Variants in MMEL1 observed in about 807,000 individuals in gnomAD.
MMEL1 encodes the protein membrane metalloendopeptidase like 1.
A neutral mutation model predicts 117.1 loss-of-function variants in MMEL1; 98 were observed. The ratio of observed to expected loss-of-function variants is 0.84; its 90% confidence interval spans 0.71 to 0.99. MMEL1 has a LOEUF of 0.99. Among genes scored for constraint, MMEL1 ranks in the 50% least tolerant of loss-of-function variants. The pLI is 0.00. For synonymous variants in MMEL1, 390 were observed against 415.1 expected, an observed-to-expected ratio of 0.94 and a Z score of 0.74; for missense variants, 1,014 against 1,049.1, an observed-to-expected ratio of 0.97 and a Z score of 0.46.
chr1:2,613,084 T>C (rs1414732336), intron 2 of MMEL1, among the ~76,000 whole-genome samples: 1 of 152,184 alleles, frequency 6.6e-6, no homozygotes, highest in Non-Finnish European at 1.5e-5. Flanking sequence ...AAAAAGCCAT[T>C]AGTGAAACAC....
chr1:2,632,828 G>C, intron 1 of MMEL1, 38 bp downstream of exon 1: 1 of 984,278 alleles, frequency 1.0e-6, no homozygotes, highest in Non-Finnish European at 1.2e-6. Context: ...TCAAGGCCCA[G>C]GAAAGCAGGC....
Position 2,594,446 on chromosome 1 carries a change from G to T in MMEL1, c.1689-3C>A, listed in dbSNP as rs370872633. The T allele has an allele frequency of 1.3e-6, 2 of 1,551,360 alleles. No individual in the cohort carries two copies. The highest frequency in any genetic ancestry group is 2.7e-5 in the African/African-American group (2 of 73,176). On this transcript the variant is annotated splice_region_variant and splice_polypyrimidine_tract_variant and intron_variant, in intron 17 of 23. Coordinates refer to ENST00000378412, the MANE Select transcript of MMEL1 (RefSeq NM_033467.4). ...CCACCGCCGCCCCGATGATCCAGCT[G>T]TGATAGACAAGCCGGTCTCTGGGAG...
At chr1:2,606,874 G>A (rs1645036945) in intron 7 of MMEL1, 100 bp downstream of exon 7, 1 of 1,077,356 alleles carries the variant, frequency 9.3e-7, no homozygotes, top group East Asian at 2.4e-5. Context: ...CCAGCTGGGG[G>A]TGGGGGTGGG....
intron 2 of MMEL1, among the ~76,000 whole-genome samples, chr1:2,629,094 G>C (rs1003281569): frequency 2.0e-5 from 3 of 152,228 alleles, no homozygotes; most frequent in African/African-American, 7.2e-5. Context: ...CGCGGGAGTC[G>C]GGGCCGGGGC....
chr1:2,598,098 A>G (rs1644874481), intron 13 of MMEL1, 109 bp downstream of exon 13: 3 of 1,065,606 alleles, frequency 2.8e-6, no homozygotes, highest in South Asian at 2.8e-5. Context: ...TGCCTCGTCC[A>G]TGGCTGTGAC....
chr1:2,604,135 C>CCCCCCCCCAAACCAT lies in MMEL1; in HGVS notation c.951+11_951+12insATGGTTTGGGGGGGG. 5 of 1,520,156 alleles carry CCCCCCCCCAAACCAT rather than the reference C, an allele frequency of 3.3e-6. No homozygotes were observed. The highest frequency in any genetic ancestry group is 4.5e-6 in the Non-Finnish European group (5 of 1,100,348). The allele number at this position is 1,520,156 out of a possible 1,614,324, so 94.2% of individuals were successfully genotyped here. A position where few individuals can be genotyped will look rare whatever the true frequency, so the allele number is the denominator to read the frequency against. Reference sequence around the variant, plus strand: ...CTCGCTGCCCGCTCCCCACCCGCCCCGGCCCCCTTACCTTGGCCAGCTGTG... The same window carrying CCCCCCCCCAAACCAT: ...CTCGCTGCCCGCTCCCCACCCGCCCCCCCCCCCCAAACCATGGCCCCCTTACCTTGGCCAGCTGTG... On this transcript the variant is annotated intron_variant, in intron 10 of 23. Coordinates refer to ENST00000378412, the MANE Select transcript of MMEL1 (RefSeq NM_033467.4).
chr1:2,611,697 C>T (rs1476817003), intron 3 of MMEL1, among the ~76,000 whole-genome samples: 2 of 152,184 alleles, frequency 1.3e-5, no homozygotes, highest in African/African-American at 2.4e-5. Context: ...AGCCCCTTTA[C>T]ACCCTCTGCC....
rs138375564 is a variant in MMEL1 at position 2,596,054 on chromosome 1, C to T, written c.1455G>A (p.Glu485=). ...VRTVFVETLD[E]LGWMDEESKK... Reference sequence around the variant, plus strand: ...TGGACTCCTCGTCCATCCAGCCCAGCTCGTCCAGCGTCTCCACAAACACTG... The same window carrying T: ...TGGACTCCTCGTCCATCCAGCCCAGTTCGTCCAGCGTCTCCACAAACACTG... The change falls in exon 15 of 24, where the codon GAG becomes GAA. Residue 485 remains glutamate (E), a synonymous_variant. Transcript: ENST00000378412. 4 of 1,614,072 alleles carry T rather than the reference C, an allele frequency of 2.5e-6. No individual in the cohort carries two copies. Among genetic ancestry groups the T allele is most frequent in the African/African-American group, 1.3e-5 (1 of 75,038 alleles).
intron 2 of MMEL1, among the ~76,000 whole-genome samples, chr1:2,625,686 C>T (rs1017025071): frequency 2.0e-5 from 3 of 152,190 alleles, no homozygotes; most frequent in African/African-American, 7.2e-5. Context: ...CACCATGCGA[C>T]CTGAACTTCC....
At chr1:2,611,151 G>T in intron 4 of MMEL1, 130 bp downstream of exon 4, 2 of 911,872 alleles carry the variant, frequency 2.2e-6, no homozygotes, top group Non-Finnish European at 3.3e-6. Flanking sequence ...TCCGAGTCCG[G>T]CCCACCCGGC....
At chr1:2,615,425 A>G (rs1645186565) in intron 2 of MMEL1, among the ~76,000 whole-genome samples, 1 of 152,238 alleles carries the variant, frequency 6.6e-6, no homozygotes, top group African/African-American at 2.4e-5. Flanking sequence ...CCACCTGATC[A>G]GTAATCCTCA....
At position 2,595,980 on chromosome 1, in the gene MMEL1, G is replaced by C; in HGVS notation, c.1500+29C>G. 6.3e-7 allele frequency: 1 copy of C among 1,596,028 alleles called. No homozygotes were observed. The highest frequency in any genetic ancestry group is 8.6e-7 in the Non-Finnish European group (1 of 1,164,236). On this transcript the variant is annotated intron_variant, in intron 15 of 23. Transcript: ENST00000378412. This position sits in a 1 kb window ranked among gnomAD's most constrained non-coding sequence, Gnocchi z 4.8. ...GCTGCCCGTGCCCAGATCCAGTCGG[G>C]GCTGCCCTGACCTCTGCGAGCCACA...
Position 2,629,500 on chromosome 1 carries a change from C to CGGG in MMEL1, c.-19_-17dup. 6.8e-7 allele frequency: 1 copy of CGGG among 1,464,064 alleles called. No homozygotes were observed. Among genetic ancestry groups the CGGG allele is most frequent in the East Asian group, 2.8e-5 (1 of 36,190 alleles). The allele number at this position is 1,464,064 out of a possible 1,614,324, so 90.7% of individuals were successfully genotyped here. ...ACTTCCCCATCAGCAGGGCTCTGGA[C>CGGG]GGGAGAGCACCGCGGAGGAACCTGC... is the stretch of plus-strand genomic sequence containing the variant. On this transcript the variant is annotated 5_prime_UTR_variant, in exon 2 of 24. Coordinates refer to ENST00000378412, the MANE Select transcript of MMEL1 (RefSeq NM_033467.4).
At chr1:2,621,188 G>A (rs1408577393) in intron 2 of MMEL1, among the ~76,000 whole-genome samples, 1 of 152,190 alleles carries the variant, frequency 6.6e-6, no homozygotes, top group African/African-American at 2.4e-5. Flanking sequence ...GGGAGGCTGA[G>A]GTGGGAGGAT....
At chr1:2,621,710 T>A (rs1030750684) in intron 2 of MMEL1, among the ~76,000 whole-genome samples, 1 of 152,074 alleles carries the variant, frequency 6.6e-6, no homozygotes, top group African/African-American at 2.4e-5. Context: ...ATTACAGGCA[T>A]CCGCCATCAC....
intron 17 of MMEL1, 45 bp downstream of exon 17, chr1:2,594,745 C>A: frequency 1.3e-6 from 2 of 1,531,496 alleles, no homozygotes; most frequent in Non-Finnish European, 9.0e-7. Flanking sequence ...TTACTGGCCA[C>A]TCCCTGGCCC....
intron 11 of MMEL1, among the ~76,000 whole-genome samples, chr1:2,599,804 C>A (rs561203411): frequency 1.4e-5 from 2 of 147,620 alleles, no homozygotes; most frequent in South Asian, 4.2e-4. Context: ...TTATGGTGAG[C>A]TGAGATCACT....
chr1:2,591,802 C>T (rs952328701), intron 22 of MMEL1, 130 bp downstream of exon 22: 9 of 1,103,096 alleles, frequency 8.2e-6, no homozygotes, highest in African/African-American at 3.1e-5. Context: ...CTCCCGCCCC[C>T]TGCCCCTCAT....
At chr1:2,605,885 C>T (rs1645017656) in intron 8 of MMEL1, among the ~76,000 whole-genome samples, 1 of 152,164 alleles carries the variant, frequency 6.6e-6, no homozygotes, top group Non-Finnish European at 1.5e-5. Context: ...GCACCCGCGG[C>T]TCCCCCAGAG....
Sources: allele counts gnomAD v4.1 joint callset (sites outside exome capture counted in the v4.1 genomes callset), GRCh38; gene constraint gnomAD v4.1.1; non-coding constraint Gnocchi (gnomAD v3.1); transcripts MANE v1.5; gene names NCBI Gene and HGNC (gene_info 2026-07-23, HGNC 2026-07-21).